GPHN: variants seen among roughly 807,000 people sequenced by gnomAD.
GPHN encodes gephyrin.
In GPHN, 17 loss-of-function variants were observed where a neutral mutation model predicts 95.5. The observed-to-expected ratio is 0.18, with a 90% CI of 0.12 to 0.27. GPHN has a LOEUF of 0.27. GPHN is among the 10% of genes least tolerant of loss of function. The probability of loss-of-function intolerance (pLI) is 1.00; values close to 1 mark genes in which losing one functional copy is unlikely to be tolerated. For synonymous variants in GPHN, 320 were observed against 322.5 expected, an observed-to-expected ratio of 0.99 and a Z score of 0.08; for missense variants, 660 against 978.1, an observed-to-expected ratio of 0.67 and a Z score of 4.34.
chr14:67,347,500 C>A, the GPHN span: 3 of 1,300,808 alleles, frequency 2.3e-6, no homozygotes, highest in East Asian at 2.7e-5. Context: ...TTTAAGTTCT[C>A]TCTTTTTTTT....
intron 1 of GPHN, among the ~76,000 whole-genome samples, chr14:66,525,274 G>T (rs1225850302): frequency 6.6e-6 from 1 of 152,102 alleles, no homozygotes; most frequent in African/African-American, 2.4e-5. Context: ...TCATATGTGT[G>T]TTGGCTGCAT....
the GPHN span, among the ~76,000 whole-genome samples, chr14:67,291,233 G>GT: frequency 7.0e-6 from 1 of 143,270 alleles, no homozygotes; most frequent in Non-Finnish European, 1.5e-5. Flanking sequence ...GACTACCAGT[G>GT]CTTTTTTTTT....
At chr14:66,903,525 A>G (rs897782022) in intron 5 of GPHN, among the ~76,000 whole-genome samples, 19 of 152,142 alleles carry the variant, frequency 1.2e-4, no homozygotes, top group Admixed American at 2.0e-4. Flanking sequence ...CTTACAGTCT[A>G]TATGTGTCTT....
chr14:66,749,316 G>A (rs1224031158), intron 2 of GPHN, among the ~76,000 whole-genome samples: 3 of 151,886 alleles, frequency 2.0e-5, no homozygotes, highest in Admixed American at 2.0e-4. Flanking sequence ...CCACATACAG[G>A]CTTTTGTGTG....
intron 4 of GPHN, among the ~76,000 whole-genome samples, chr14:66,875,881 C>G (rs1423235741): frequency 6.6e-6 from 1 of 152,126 alleles, no homozygotes; most frequent in African/African-American, 2.4e-5. Context: ...AGGACTTACA[C>G]TCAGCTCTGG....
chr14:67,665,755 A>C, the GPHN span, among the ~76,000 whole-genome samples: 1 of 152,144 alleles, frequency 6.6e-6, no homozygotes, highest in Admixed American at 6.5e-5. Context: ...CACACCCTTT[A>C]CTATGTCTCA....
the GPHN span, chr14:67,662,996 A>G: frequency 2.1e-6 from 3 of 1,406,282 alleles, no homozygotes; most frequent in East Asian, 2.6e-5. Context: ...TAACTCGTAC[A>G]CTACTTTTCT....
intron 9 of GPHN, among the ~76,000 whole-genome samples, chr14:66,998,906 C>T (rs74802707): frequency 0.069 from 9,601 of 138,744 alleles, 817 homozygotes; most frequent in African/African-American, 0.23. Flanking sequence ...TATATATATA[C>T]ACATATATAT....
At chr14:66,599,643 A>G (rs1420654068) in intron 1 of GPHN, among the ~76,000 whole-genome samples, 3 of 151,666 alleles carry the variant, frequency 2.0e-5, no homozygotes, top group African/African-American at 7.3e-5. Flanking sequence ...GCAAATAAAG[A>G]TTACTTTCCT....
the GPHN span, among the ~76,000 whole-genome samples, chr14:67,355,829 C>T: frequency 7.7e-6 from 1 of 130,514 alleles, no homozygotes; most frequent in South Asian, 2.4e-4. Context: ...CCTGTCTCTA[C>T]AAAAAAAAAA....
At chr14:66,872,202 G>A (rs1225356647) in intron 4 of GPHN, among the ~76,000 whole-genome samples, 4 of 152,202 alleles carry the variant, frequency 2.6e-5, no homozygotes, top group Non-Finnish European at 5.9e-5. Flanking sequence ...AACTGCTTTT[G>A]CCCAGAGCTA....
chr14:66,895,269 G>T (rs1032268104), intron 5 of GPHN, among the ~76,000 whole-genome samples: 1 of 151,830 alleles, frequency 6.6e-6, no homozygotes, highest in Non-Finnish European at 1.5e-5. Flanking sequence ...CAAAAAACCA[G>T]ACACCGCATG....
the GPHN span, among the ~76,000 whole-genome samples, chr14:67,476,205 G>T: frequency 6.6e-6 from 1 of 152,196 alleles, no homozygotes; most frequent in African/African-American, 2.4e-5. Flanking sequence ...GCTGAAGCAG[G>T]CCTGGTCACA....
At chr14:66,548,220 G>A (rs1288755776) in intron 1 of GPHN, among the ~76,000 whole-genome samples, 3 of 138,322 alleles carry the variant, frequency 2.2e-5, no homozygotes, top group African/African-American at 2.8e-5. Context: ...TCGCTCTGTC[G>A]CCCAGTCTGG....
intron 1 of GPHN, among the ~76,000 whole-genome samples, chr14:66,569,540 G>A (rs2060594345): frequency 1.3e-5 from 2 of 151,922 alleles, no homozygotes; most frequent in Admixed American, 1.3e-4. Flanking sequence ...GGGGGCCCCT[G>A]TAATCCCAGC....
chr14:66,836,266 C>T (rs961304502), intron 4 of GPHN, among the ~76,000 whole-genome samples: 1 of 135,692 alleles, frequency 7.4e-6, no homozygotes, highest in African/African-American at 3.4e-5. Context: ...TGGAACAGAA[C>T]AGAGCCCTCA....
the GPHN span, among the ~76,000 whole-genome samples, chr14:67,358,146 T>C: frequency 1.3e-5 from 2 of 152,064 alleles, no homozygotes; most frequent in Non-Finnish European, 2.9e-5. Flanking sequence ...AGGCCTTACA[T>C]TGCTAGAAGA....
chr14:67,240,365 G>C, the GPHN span, among the ~76,000 whole-genome samples: 1 of 152,140 alleles, frequency 6.6e-6, no homozygotes, highest in Non-Finnish European at 1.5e-5. Context: ...GACATTGCGA[G>C]ATGGAAAAAC....
chr14:67,647,879 A>G, the GPHN span: 2 of 675,280 alleles, frequency 3.0e-6, no homozygotes, highest in Non-Finnish European at 4.9e-6. Flanking sequence ...TGCCAATCTC[A>G]GTAACTTCCA....
Sources: gnomAD v4.1 joint callset for allele counts (sites outside exome capture counted in the v4.1 genomes callset) on GRCh38, gnomAD v4.1.1 for gene constraint, MANE v1.5 for transcripts, NCBI Gene and HGNC (gene_info 2026-07-23, HGNC 2026-07-21) for gene names.